USP7: variants seen among roughly 807,000 people sequenced by gnomAD.
USP7 encodes the protein ubiquitin specific peptidase 7.
Under a neutral mutation model 162.9 loss-of-function variants are expected in USP7, and 9 were observed. The ratio of observed to expected loss-of-function variants is 0.06; its 90% CI spans 0.03 to 0.10. The LOEUF (loss-of-function observed/expected upper bound fraction) is 0.10, where lower values mean the gene tolerates loss of function less well. Ranked by LOEUF, USP7 falls within the 10% of genes least tolerant of loss-of-function variation. The probability of loss-of-function intolerance (pLI) is 1.00; values close to 1 mark genes in which losing one functional copy is unlikely to be tolerated. For synonymous variants in USP7, 562 were observed against 475.9 expected (o/e 1.18, Z -2.35); for missense variants, 715 against 1,373.7 (o/e 0.52, Z 7.58).
At chr16:8,929,705 T>A (rs1004736328) in intron 2 of USP7, among the ~76,000 whole-genome samples, 1 of 152,140 alleles carries the variant, frequency 6.6e-6, no homozygotes, top group African/African-American at 2.4e-5. Flanking sequence ...ATTTGATAAA[T>A]TTAAAGAAGG....
chr16:8,961,513 G>A lies in USP7; in HGVS notation c.79+1694C>T, dbSNP rs967132949. Reference sequence around the variant, plus strand: ...GTCTCAAAAAAAAAAAAGGGGGGGGGGGGCAAATACCTTGAAATTTGTGGA... The same window carrying A: ...GTCTCAAAAAAAAAAAAGGGGGGGGAGGGCAAATACCTTGAAATTTGTGGA... On this transcript the variant is annotated intron_variant, in intron 1 of 30. Coordinates refer to ENST00000344836, the MANE Select transcript of USP7 (RefSeq NM_003470.3). 2.9e-4 allele frequency among the ~76,000 whole-genome samples: 37 copies of A among 126,230 alleles called. 4 individuals are homozygous for A. The highest frequency in any genetic ancestry group is 3.0e-4 in the Non-Finnish European group (18 of 59,504). 82.8% of individuals were successfully genotyped at this position (126,230 alleles called of 152,430 possible). A position where few individuals can be genotyped will look rare whatever the true frequency, so the allele number is the denominator to read the frequency against.
chr16:8,956,089 G>C (rs965211388), intron 1 of USP7, among the ~76,000 whole-genome samples: 2 of 152,172 alleles, frequency 1.3e-5, no homozygotes, highest in East Asian at 1.9e-4. Context: ...CTTACTGTGA[G>C]AGCTGGAGGT....
intron 10 of USP7, among the ~76,000 whole-genome samples, chr16:8,914,054 T>G (rs978421225): frequency 6.6e-6 from 1 of 152,006 alleles, no homozygotes; most frequent in South Asian, 2.1e-4. Flanking sequence ...TTATTTTAAA[T>G]ATTTCTTTAA....
intron 1 of USP7, among the ~76,000 whole-genome samples, chr16:8,935,480 G>C (rs1234370234): frequency 1.3e-5 from 2 of 152,164 alleles, no homozygotes; most frequent in Non-Finnish European, 2.9e-5. Flanking sequence ...CAAAGTGCTG[G>C]GATTACAGGC....
chr16:8,911,092 A>G (rs1300779062), intron 10 of USP7, among the ~76,000 whole-genome samples: 1 of 152,258 alleles, frequency 6.6e-6, no homozygotes, highest in Non-Finnish European at 1.5e-5. Flanking sequence ...TTATTCGAAC[A>G]AAGCACATAC....
Position 8,893,984 on chromosome 16 carries a change from C to CA in USP7, c.*13dup. The CA allele has an allele frequency of 1.9e-6, 3 of 1,613,472 alleles. No individual in the cohort carries two copies. Among genetic ancestry groups the CA allele is most frequent in the Non-Finnish European group, 2.5e-6 (3 of 1,179,366 alleles). On this transcript the variant is annotated 3_prime_UTR_variant, in exon 31 of 31. Coordinates refer to ENST00000344836, the MANE Select transcript of USP7 (RefSeq NM_003470.3). Reference sequence around the variant, plus strand: ...CCACACACCGTCCTCGCCTTGAACACACCAGCTTGGAAATCAGTTATGGAT... The same window carrying CA: ...CCACACACCGTCCTCGCCTTGAACACAACCAGCTTGGAAATCAGTTATGGAT...
At chr16:8,948,573 C>T (rs1476838753) in intron 1 of USP7, among the ~76,000 whole-genome samples, 1 of 152,190 alleles carries the variant, frequency 6.6e-6, no homozygotes, top group Non-Finnish European at 1.5e-5. Context: ...AAGCCTATTA[C>T]AGATGACACA....
chr16:8,945,105 A>T (rs150543187), intron 1 of USP7, among the ~76,000 whole-genome samples: 44 of 152,342 alleles, frequency 2.9e-4, no homozygotes, highest in Non-Finnish European at 7.3e-5. Context: ...AAAATACAGA[A>T]ATTAGCTGGG....
chr16:8,908,167 C>G (rs773804616), intron 12 of USP7, among the ~76,000 whole-genome samples, 174 bp downstream of exon 12: 1 of 152,178 alleles, frequency 6.6e-6, no homozygotes, highest in Non-Finnish European at 1.5e-5. Context: ...ACCTCTGAAA[C>G]TTGACATAAA....
intron 1 of USP7, among the ~76,000 whole-genome samples, chr16:8,939,900 C>A (rs1898956214): frequency 6.6e-6 from 1 of 152,198 alleles, no homozygotes; most frequent in Non-Finnish European, 1.5e-5. Context: ...GAGATTGAAA[C>A]CATCCTGGCT....
intron 16 of USP7, 110 bp from the exon 17 acceptor site, chr16:8,902,592 T>TA (rs765500463): frequency 6.4e-6 from 6 of 939,744 alleles, no homozygotes; most frequent in Non-Finnish European, 7.7e-6. Flanking sequence ...TAGTCAATGT[T>TA]AAGACTGTGA....
chr16:8,934,686 T>C (rs1478504090), intron 1 of USP7, among the ~76,000 whole-genome samples: 1 of 152,194 alleles, frequency 6.6e-6, no homozygotes, highest in Non-Finnish European at 1.5e-5. Context: ...ACATCTGAGT[T>C]GGTGTGGCCA....
intron 1 of USP7, among the ~76,000 whole-genome samples, chr16:8,946,194 T>A (rs898193571): frequency 6.6e-6 from 1 of 151,984 alleles, no homozygotes; most frequent in African/African-American, 2.4e-5. Flanking sequence ...CCCAAGACTG[T>A]AAGAAAACAC....
intron 6 of USP7, 45 bp from the exon 7 acceptor site, chr16:8,917,201 G>A: frequency 6.4e-7 from 1 of 1,554,474 alleles, no homozygotes; most frequent in South Asian, 1.2e-5. Flanking sequence ...AGAAGATGCA[G>A]GGGAATTTAA....
At chr16:8,902,285 G>A in intron 17 of USP7, 96 bp downstream of exon 17, 1 of 1,574,668 alleles carries the variant, frequency 6.4e-7, no homozygotes, top group Non-Finnish European at 8.7e-7. Flanking sequence ...TCCAATTCTA[G>A]TTAAGTGGAC....
chr16:8,944,913 G>A (rs1899209930), intron 1 of USP7, among the ~76,000 whole-genome samples: 1 of 151,968 alleles, frequency 6.6e-6, no homozygotes, highest in South Asian at 2.1e-4. Context: ...TTCGAGATCA[G>A]CCTGGCCAAT....
chr16:8,918,460 A>G (rs1000805852), intron 6 of USP7, among the ~76,000 whole-genome samples: 2 of 152,226 alleles, frequency 1.3e-5, no homozygotes, highest in African/African-American at 2.4e-5. Context: ...TTAATGGATT[A>G]TATGTTTTTC....
In USP7 at chr16:8,892,608, A is replaced by T. The variant is rs1329565802; in HGVS notation, c.*1390T>A. 2.9e-4 allele frequency: 1 copy of T among 3,474 alleles called. No homozygotes were observed. The highest frequency in any genetic ancestry group is 7.6e-4 in the African/African-American group (1 of 1,310). The allele number at this position is 3,474 out of a possible 1,614,324, so 0.2% of individuals were successfully genotyped here. ...AGTAAATGTGACTAGTTAGAGGCTAAAAAAAAAAAAAAAAAAAAAAAGAAA... is the reference window on the plus strand; with the variant it reads ...AGTAAATGTGACTAGTTAGAGGCTATAAAAAAAAAAAAAAAAAAAAAGAAA... On this transcript the variant is annotated 3_prime_UTR_variant, in exon 31 of 31. Transcript: ENST00000344836.
At chr16:8,934,445 C>T (rs1898559769) in intron 1 of USP7, among the ~76,000 whole-genome samples, 2 of 152,214 alleles carry the variant, frequency 1.3e-5, no homozygotes, top group South Asian at 2.1e-4. Context: ...AATTCAAGAG[C>T]GCATAACATC....
Sources: gnomAD v4.1 joint callset for allele counts (sites outside exome capture counted in the v4.1 genomes callset) on GRCh38, gnomAD v4.1.1 for gene constraint, MANE v1.5 for transcripts, NCBI Gene and HGNC (gene_info 2026-07-23, HGNC 2026-07-21) for gene names.